Variants in KREMEN1 observed in about 807,000 individuals in gnomAD.
KREMEN1 encodes the protein kremen protein 1.
Under a neutral mutation model 46.5 loss-of-function variants are expected in KREMEN1, and 30 were observed. The ratio of observed to expected loss-of-function variants is 0.65; its 90% CI spans 0.48 to 0.88. The LOEUF (loss-of-function observed/expected upper bound fraction) is 0.88. Among genes scored for constraint, KREMEN1 ranks in the 40% least tolerant of loss-of-function variants. KREMEN1 has a pLI of 0.00. For missense variants in KREMEN1, 533 were observed against 596.9 expected, an observed-to-expected ratio of 0.89 and a Z score of 1.11; for synonymous variants, 214 against 230.6, an observed-to-expected ratio of 0.93 and a Z score of 0.65.
chr22:29,137,150 G>C (rs937171532), intron 5 of KREMEN1, among the ~76,000 whole-genome samples, 192 bp from the exon 6 acceptor site: 8 of 152,146 alleles, frequency 5.3e-5, no homozygotes, highest in African/African-American at 1.9e-4. Context: ...AAGGTCTCTG[G>C]GGGGAAAAAC....
At chr22:29,108,342 A>G (rs1014642376) in intron 3 of KREMEN1, among the ~76,000 whole-genome samples, 5 of 152,220 alleles carry the variant, frequency 3.3e-5, no homozygotes, top group Non-Finnish European at 7.3e-5. Context: ...CTCTCTTCCC[A>G]TAAGAGACAA....
intron 3 of KREMEN1, chr22:29,111,786 A>G (rs186195208): frequency 6.6e-6 from 1 of 152,276 alleles, no homozygotes; most frequent in African/African-American, 2.4e-5. Flanking sequence ...CAAATATCCC[A>G]GATCTGGTGA....
In KREMEN1 at chr22:29,145,980, A is replaced by G. The variant is rs2038852690; in HGVS notation, c.*3868A>G. 2.0e-6 allele frequency: 2 copies of G among 985,586 alleles called. No individual in the cohort carries two copies. The highest frequency in any genetic ancestry group is 1.8e-5 in the African/African-American group (1 of 57,112). The allele number at this position is 985,586 out of a possible 1,614,324, so 61.1% of individuals were successfully genotyped here. On this transcript the variant is annotated 3_prime_UTR_variant, in exon 9 of 9. Transcript: ENST00000400335. ...CTGCCTGCAGCCCAGCCAGGCCATC[A>G]CCCAGCCCCGATGCATCCTGGCACT...
intron 8 of KREMEN1, among the ~76,000 whole-genome samples, chr22:29,140,884 G>A (rs961813609): frequency 6.6e-6 from 1 of 152,118 alleles, no homozygotes; most frequent in African/African-American, 2.4e-5. Context: ...TGCTATTCAA[G>A]TCTAACAGTT....
chr22:29,162,724 G>GA (rs914761816), intron 9 of KREMEN1, among the ~76,000 whole-genome samples: 1 of 150,554 alleles, frequency 6.6e-6, no homozygotes, highest in East Asian at 1.9e-4. Context: ...CAAAAAAAAA[G>GA]AAAAAAAGAA....
chr22:29,165,114 T>A (rs132313), intron 9 of KREMEN1, among the ~76,000 whole-genome samples: 134,536 of 152,034 alleles, frequency 0.88, 59,961 homozygotes, highest in Non-Finnish European at 0.93. Flanking sequence ...TGGAGGTTGC[T>A]GTGAGCCGAG....
Position 29,144,443 on chromosome 22 carries a change from G to C in KREMEN1, c.*2331G>C. ...CCCCAGGCCCCGTGGGAGGCCTGCT[G>C]AGGGCACAGAGCTGCTCGGTGCAGC... On this transcript the variant is annotated 3_prime_UTR_variant, in exon 9 of 9. Coordinates refer to ENST00000400335, the MANE Select transcript of KREMEN1 (RefSeq NM_001039570.3). The C allele has an allele frequency of 1.0e-6, 1 of 985,636 alleles. No homozygotes were observed. The highest frequency in any genetic ancestry group is 5.2e-4 in the Middle Eastern group (1 of 1,916). 61.1% of individuals were successfully genotyped at this position (985,636 alleles called of 1,614,324 possible). A position where few individuals can be genotyped will look rare whatever the true frequency, so the allele number is the denominator to read the frequency against.
intron 1 of KREMEN1, among the ~76,000 whole-genome samples, chr22:29,084,323 C>T (rs1267242790): frequency 3.1e-5 from 2 of 64,186 alleles, no homozygotes; most frequent in African/African-American, 1.1e-4. Flanking sequence ...CTAAGAATGC[C>T]TAAACTGGGA....
At chr22:29,117,149 CTG>C (rs147766740) in intron 3 of KREMEN1, among the ~76,000 whole-genome samples, 12 of 150,510 alleles carry the variant, frequency 8.0e-5, no homozygotes, top group Non-Finnish European at 7.4e-5. Flanking sequence ...GTGTGTGTGT[CTG>C]TGTGTGTGTG....
At chr22:29,150,599 T>C (rs1254725044), downstream of KREMEN1, among the ~76,000 whole-genome samples, 2 of 152,198 alleles carry the variant, frequency 1.3e-5, no homozygotes, top group African/African-American at 4.8e-5. Flanking sequence ...CTTTGCATAT[T>C]GATCATGTGA....
chr22:29,073,225 C>T lies in KREMEN1; in HGVS notation c.95C>T (p.Pro32Leu), dbSNP rs1318191490. 8.6e-6 allele frequency: 10 copies of T among 1,165,036 alleles called. No homozygotes were observed. The highest frequency in any genetic ancestry group is 1.1e-5 in the Non-Finnish European group (10 of 942,090). 72.2% of individuals were successfully genotyped at this position (1,165,036 alleles called of 1,614,324 possible). Residue 32 changes from proline to leucine, a missense_variant and splice_region_variant, in exon 1 of 9, where the codon CCC (proline) becomes CTC (leucine). Coordinates refer to ENST00000400335, the MANE Select transcript of KREMEN1 (RefSeq NM_001039570.3). The surrounding 1 kb of genome is among the most constrained non-coding windows in gnomAD (Gnocchi z 4.4). ...PAPSPGLGPG[P>L]ECFTANGADY... is the part of the protein sequence containing the mutation. Reference sequence around the variant, plus strand: ...CCTAGCCCCGGCCTCGGCCCCGGACCCGGTGAGTGTGAGCGACCCCCCGCC... The same window carrying T: ...CCTAGCCCCGGCCTCGGCCCCGGACTCGGTGAGTGTGAGCGACCCCCCGCC...
chr22:29,097,425 T>A (rs2145768535), intron 2 of KREMEN1, among the ~76,000 whole-genome samples: 1 of 152,272 alleles, frequency 6.6e-6, no homozygotes, highest in Middle Eastern at 3.4e-3. Context: ...AAATATTATC[T>A]CCATATCAGA....
chr22:29,108,399 C>G (rs2038094173), intron 3 of KREMEN1, among the ~76,000 whole-genome samples: 1 of 152,194 alleles, frequency 6.6e-6, no homozygotes, highest in Non-Finnish European at 1.5e-5. Flanking sequence ...CTGAGTCACA[C>G]CCAGTTAGGT....
intron 5 of KREMEN1, among the ~76,000 whole-genome samples, chr22:29,135,574 T>C (rs540895979): frequency 2.2e-4 from 33 of 152,324 alleles, no homozygotes; most frequent in African/African-American, 7.2e-4. Flanking sequence ...AGGGGGACTG[T>C]GGTCTGCTGG....
chr22:29,121,285 C>A (rs1056091234), intron 3 of KREMEN1, 72 bp from the exon 4 acceptor site: 123 of 1,580,160 alleles, frequency 7.8e-5, no homozygotes, highest in Non-Finnish European at 1.0e-4. Flanking sequence ...GTACCTGGCA[C>A]AAATCGCTTT....
intron 2 of KREMEN1, among the ~76,000 whole-genome samples, chr22:29,095,337 G>A (rs1457119546): frequency 6.6e-6 from 1 of 152,134 alleles, no homozygotes; most frequent in Non-Finnish European, 1.5e-5. Flanking sequence ...CAATTTCCTG[G>A]GGATGATCCA....
intron 7 of KREMEN1, among the ~76,000 whole-genome samples, chr22:29,139,417 C>A (rs574992810): frequency 1.3e-5 from 2 of 151,820 alleles, no homozygotes; most frequent in East Asian, 3.9e-4. Flanking sequence ...GCCTGAGCAA[C>A]ATAGGGAGAC....
At chr22:29,150,555 T>A (rs1287729179), downstream of KREMEN1, among the ~76,000 whole-genome samples, 3 of 152,210 alleles carry the variant, frequency 2.0e-5, no homozygotes, top group Non-Finnish European at 4.4e-5. Context: ...ATGAGGTCAC[T>A]GAACTTTTAA....
At chr22:29,128,640 A>G (rs1354263879) in intron 5 of KREMEN1, among the ~76,000 whole-genome samples, 1 of 152,212 alleles carries the variant, frequency 6.6e-6, no homozygotes, top group Non-Finnish European at 1.5e-5. Flanking sequence ...GGTGCACTGA[A>G]GTGAATTAAT....
Sources: allele counts gnomAD v4.1 joint callset (sites outside exome capture counted in the v4.1 genomes callset), GRCh38; gene constraint gnomAD v4.1.1; non-coding constraint Gnocchi (gnomAD v3.1); transcripts MANE v1.5; gene names NCBI Gene and HGNC (gene_info 2026-07-23, HGNC 2026-07-21).